SLC24A2: variants seen among roughly 807,000 people sequenced by gnomAD.
SLC24A2 encodes the protein sodium/potassium/calcium exchanger 2.
In SLC24A2, 36 loss-of-function variants were observed where a neutral mutation model predicts 62.0. The ratio of observed to expected loss-of-function variants is 0.58; its 90% CI spans 0.44 to 0.77. The LOEUF (loss-of-function observed/expected upper bound fraction) is 0.77. SLC24A2 is among the 30% of genes least tolerant of loss of function. The pLI, the probability that SLC24A2 is intolerant of heterozygous loss-of-function variation, is 0.00. For synonymous variants in SLC24A2, 358 were observed against 294.0 expected (o/e 1.22, Z -2.23); for missense variants, 846 against 817.9 (o/e 1.03, Z -0.42).
the SLC24A2 span, among the ~76,000 whole-genome samples, chr9:19,830,453 C>T: frequency 1.3e-5 from 2 of 152,174 alleles, no homozygotes; most frequent in African/African-American, 2.4e-5. Flanking sequence ...GTAGTAGCTA[C>T]ATTTTACAAA....
At chr9:19,568,040 T>G (rs1419544928) in intron 7 of SLC24A2, among the ~76,000 whole-genome samples, 1 of 152,200 alleles carries the variant, frequency 6.6e-6, no homozygotes, top group Non-Finnish European at 1.5e-5. Flanking sequence ...CTCAGGAGAA[T>G]AACAGTGTGG....
At chr9:19,821,518 G>A in the SLC24A2 span, among the ~76,000 whole-genome samples, 1 of 152,090 alleles carries the variant, frequency 6.6e-6, no homozygotes, top group African/African-American at 2.4e-5. Flanking sequence ...CACTCAGAAT[G>A]CTCTGTTTGA....
the SLC24A2 span, among the ~76,000 whole-genome samples, chr9:19,809,869 C>G: frequency 6.6e-6 from 1 of 152,068 alleles, no homozygotes; most frequent in Non-Finnish European, 1.5e-5. Context: ...ATAGAGAGAG[C>G]TGTTTTACTT....
At chr9:19,991,652 T>C in the SLC24A2 span, among the ~76,000 whole-genome samples, 1 of 152,228 alleles carries the variant, frequency 6.6e-6, no homozygotes, top group African/African-American at 2.4e-5. Context: ...GCTATGCTTA[T>C]AACTACCATC....
chr9:19,573,780 G>T (rs1393628842), intron 6 of SLC24A2, among the ~76,000 whole-genome samples: 1 of 152,058 alleles, frequency 6.6e-6, no homozygotes, highest in Non-Finnish European at 1.5e-5. Context: ...TACCTTGGGT[G>T]CCCTATCAGC....
At chr9:20,224,899 C>T in the SLC24A2 span, among the ~76,000 whole-genome samples, 7 of 152,198 alleles carry the variant, frequency 4.6e-5, no homozygotes, top group Admixed American at 3.3e-4. Flanking sequence ...GCTACTTCAA[C>T]TAGAAATGTC....
At chr9:19,571,671 A>G (rs1178215531) in intron 7 of SLC24A2, among the ~76,000 whole-genome samples, 5 of 152,200 alleles carry the variant, frequency 3.3e-5, no homozygotes, top group African/African-American at 9.6e-5. Flanking sequence ...GAGAATTTGT[A>G]AGTACATTAA....
At chr9:20,137,050 A>G in the SLC24A2 span, among the ~76,000 whole-genome samples, 1 of 152,196 alleles carries the variant, frequency 6.6e-6, no homozygotes, top group Non-Finnish European at 1.5e-5. Flanking sequence ...CAAGGTTGGC[A>G]TCTGAAGTTT....
the SLC24A2 span, among the ~76,000 whole-genome samples, chr9:19,905,842 T>C: frequency 6.6e-6 from 1 of 152,196 alleles, no homozygotes; most frequent in African/African-American, 2.4e-5. Flanking sequence ...TTAACACTTA[T>C]GTGCACAAGA....
At chr9:19,998,576 T>C in the SLC24A2 span, among the ~76,000 whole-genome samples, 1 of 152,174 alleles carries the variant, frequency 6.6e-6, no homozygotes, top group African/African-American at 2.4e-5. Context: ...CTTATGAGGA[T>C]TAGAATTTTT....
the SLC24A2 span, among the ~76,000 whole-genome samples, chr9:20,260,515 T>C: frequency 6.6e-6 from 1 of 152,358 alleles, no homozygotes; most frequent in Middle Eastern, 3.4e-3. Flanking sequence ...TAGATATCAA[T>C]TTTCAATTTC....
At chr9:20,114,799 C>A in the SLC24A2 span, among the ~76,000 whole-genome samples, 1 of 152,158 alleles carries the variant, frequency 6.6e-6, no homozygotes, top group South Asian at 2.1e-4. Flanking sequence ...TTCCAAAACA[C>A]CCTCTGGCCA....
At chr9:20,185,415 C>T in the SLC24A2 span, among the ~76,000 whole-genome samples, 1 of 151,832 alleles carries the variant, frequency 6.6e-6, no homozygotes, top group Non-Finnish European at 1.5e-5. Flanking sequence ...CCTGTAATCC[C>T]AGCACTTTGG....
chr9:19,892,162 T>C, the SLC24A2 span, among the ~76,000 whole-genome samples: 2 of 152,144 alleles, frequency 1.3e-5, no homozygotes, highest in Admixed American at 1.3e-4. Context: ...TTTAGAATGT[T>C]TTTCCCTATA....
At chr9:19,924,737 C>A in the SLC24A2 span, among the ~76,000 whole-genome samples, 5 of 152,218 alleles carry the variant, frequency 3.3e-5, no homozygotes, top group Non-Finnish European at 7.3e-5. Context: ...AAGACTGAAT[C>A]TCTGAGGGTA....
At chr9:19,584,756 C>T (rs552540643) in intron 5 of SLC24A2, among the ~76,000 whole-genome samples, 83 of 151,972 alleles carry the variant, frequency 5.5e-4, no homozygotes, top group African/African-American at 1.9e-3. Flanking sequence ...TCATCTTAAA[C>T]AAAACCACCA....
At chr9:19,767,255 T>G (rs182752935) in intron 2 of SLC24A2, among the ~76,000 whole-genome samples, 25 of 152,334 alleles carry the variant, frequency 1.6e-4, no homozygotes, top group African/African-American at 4.8e-4. Flanking sequence ...TCTGCTTAGC[T>G]AGACCACTTG....
chr9:19,514,464 A>G lies in SLC24A2; in HGVS notation c.*1689T>C, dbSNP rs1832851299. 1 of 152,190 alleles carries G rather than the reference A, an allele frequency of 6.6e-6. No homozygotes were observed. Among genetic ancestry groups the G allele is most frequent in the Non-Finnish European group, 1.5e-5 (1 of 68,044 alleles). 9.4% of individuals were successfully genotyped at this position (152,190 alleles called of 1,614,324 possible). A position where few individuals can be genotyped will look rare whatever the true frequency, so the allele number is the denominator to read the frequency against. On this transcript the variant is annotated 3_prime_UTR_variant, in exon 11 of 11. Coordinates refer to ENST00000341998, the MANE Select transcript of SLC24A2 (RefSeq NM_020344.4). ...ATTTTAAGGAAAGCATGACTTGGAG[A>G]AAAGAAAAGTGCTCTACATAGTTTT...
the SLC24A2 span, among the ~76,000 whole-genome samples, chr9:19,833,074 T>C: frequency 2.2e-4 from 34 of 152,076 alleles, no homozygotes; most frequent in African/African-American, 7.2e-5. Context: ...TGGCGATCAT[T>C]AAAAAGTTAG....
Sources: gnomAD v4.1 joint callset for allele counts (sites outside exome capture counted in the v4.1 genomes callset) on GRCh38, gnomAD v4.1.1 for gene constraint, MANE v1.5 for transcripts, NCBI Gene and HGNC (gene_info 2026-07-23, HGNC 2026-07-21) for gene names.